The following PALM2AKAP2 variants were observed in gnomAD, a reference collection of about 807,000 sequenced individuals.
PALM2AKAP2 encodes PALM2-AKAP2 fusion protein.
A neutral mutation model predicts 71.5 loss-of-function variants in PALM2AKAP2; 37 were observed. The ratio of observed to expected loss-of-function variants is 0.52; its 90% CI spans 0.40 to 0.68. The LOEUF is 0.68. Ranked by LOEUF, PALM2AKAP2 falls within the 30% of genes least tolerant of loss-of-function variation. The pLI, the probability that PALM2AKAP2 is intolerant of heterozygous loss-of-function variation, is 0.00. For missense variants in PALM2AKAP2, 1,224 were observed against 1,191.8 expected (o/e 1.03, Z -0.40); for synonymous variants, 468 against 478.8 (o/e 0.98, Z 0.29).
chr9:109,867,611 A>G (rs376794761), intron 2 of PALM2AKAP2, 40 bp downstream of exon 2: 41 of 1,594,968 alleles, frequency 2.6e-5, no homozygotes, highest in Admixed American at 3.5e-5. Flanking sequence ...ATTATTAGAC[A>G]TGCAGATCAC....
intron 1 of PALM2AKAP2, among the ~76,000 whole-genome samples, chr9:110,098,327 C>T (rs1834913039): frequency 6.6e-6 from 1 of 152,100 alleles, no homozygotes; most frequent in Admixed American, 6.6e-5. Context: ...CATGAATTCA[C>T]TTATAAAAAG....
intron 1 of PALM2AKAP2, among the ~76,000 whole-genome samples, chr9:109,771,808 G>A (rs952443293): frequency 6.6e-6 from 1 of 152,132 alleles, no homozygotes; most frequent in Non-Finnish European, 1.5e-5. Flanking sequence ...CACCTGGGTC[G>A]CAGCCCAGGG....
At chr9:109,966,107 G>A (rs1486512494) in intron 6 of PALM2AKAP2, among the ~76,000 whole-genome samples, 1 of 152,208 alleles carries the variant, frequency 6.6e-6, no homozygotes, top group Admixed American at 6.5e-5. Context: ...ACCTGTTTAG[G>A]TGCCAGGCAG....
chr9:109,995,911 G>A (rs1464003401), intron 6 of PALM2AKAP2, among the ~76,000 whole-genome samples: 1 of 152,194 alleles, frequency 6.6e-6, no homozygotes, highest in African/African-American at 2.4e-5. Flanking sequence ...TGGAGAGGAA[G>A]GATGAGGCAG....
At chr9:109,931,939 A>G in exon 6 of PALM2AKAP2, 1 of 1,614,028 alleles carries the variant, frequency 6.2e-7, no homozygotes, top group South Asian at 1.1e-5. Flanking sequence ...GCAGTAAATT[A>G]CATTTCCTCC....
intron 1 of PALM2AKAP2, among the ~76,000 whole-genome samples, chr9:110,135,152 C>CAAAAAAAAAAAAA (rs1198538795): frequency 1.5e-4 from 4 of 27,014 alleles, no homozygotes; most frequent in African/African-American, 3.0e-4. Context: ...TCTGTCTCTA[C>CAAAAAAAAAAAAA]AAAAAAAAAA....
intron 3 of PALM2AKAP2, among the ~76,000 whole-genome samples, chr9:109,915,098 GCC>G (rs1206558223): frequency 6.6e-6 from 1 of 152,212 alleles, no homozygotes; most frequent in Non-Finnish European, 1.5e-5. Flanking sequence ...CCAGAGTGGA[GCC>G]TTTATAATTC....
At chr9:110,136,078 A>G (rs751242253) in intron 1 of PALM2AKAP2, 49 bp from the exon 8 acceptor site, 4 of 1,516,012 alleles carry the variant, frequency 2.6e-6, no homozygotes, top group South Asian at 2.7e-5. Flanking sequence ...ATTCACATCC[A>G]TAAGAGATGC....
intron 1 of PALM2AKAP2, among the ~76,000 whole-genome samples, chr9:109,734,589 A>G (rs563278949): frequency 6.6e-6 from 1 of 152,332 alleles, no homozygotes; most frequent in East Asian, 1.9e-4. Flanking sequence ...GAATTTTAAT[A>G]GTTGGAGTCA....
chr9:109,742,822 G>A (rs1036640302), intron 1 of PALM2AKAP2, among the ~76,000 whole-genome samples: 1 of 152,170 alleles, frequency 6.6e-6, no homozygotes, highest in Non-Finnish European at 1.5e-5. Context: ...AAGCAGCCGT[G>A]TTGCAGCACT....
chr9:109,679,014 T>C (rs1827688633), intron 1 of PALM2AKAP2, among the ~76,000 whole-genome samples: 1 of 152,180 alleles, frequency 6.6e-6, no homozygotes, highest in African/African-American at 2.4e-5. Context: ...ACCCTTGTCT[T>C]TGAATAATTA....
At chr9:110,146,863 T>C (rs1836186229) in intron 2 of PALM2AKAP2, among the ~76,000 whole-genome samples, 1 of 152,156 alleles carries the variant, frequency 6.6e-6, no homozygotes, top group Admixed American at 6.5e-5. Flanking sequence ...AGATTTTCTT[T>C]CTCATGGCCT....
intron 6 of PALM2AKAP2, among the ~76,000 whole-genome samples, chr9:109,948,632 C>T (rs1419053616): frequency 1.3e-5 from 2 of 152,062 alleles, no homozygotes; most frequent in South Asian, 4.1e-4. Context: ...CTCATATTGC[C>T]TCTTCATAAT....
exon 2 of PALM2AKAP2, chr9:110,137,921 G>T (rs1272869322): frequency 6.2e-7 from 1 of 1,614,034 alleles, no homozygotes; most frequent in African/African-American, 1.3e-5. Flanking sequence ...CTCTCCGTTG[G>T]TTGATGACCC....
chr9:109,971,970 T>C (rs1336648839), intron 6 of PALM2AKAP2, among the ~76,000 whole-genome samples: 1 of 152,238 alleles, frequency 6.6e-6, no homozygotes, highest in Non-Finnish European at 1.5e-5. Context: ...TCTCTGAAGC[T>C]GTCTCTGATA....
chr9:109,740,554 A>G (rs1828702247), intron 1 of PALM2AKAP2, among the ~76,000 whole-genome samples: 1 of 152,222 alleles, frequency 6.6e-6, no homozygotes. Context: ...AAACAGCTAA[A>G]AAATACCAAG....
rs78202505 is a variant in PALM2AKAP2, at chr9:110,020,185, G to A, written c.582+4146G>A. Among the ~76,000 whole-genome samples the A allele has an allele frequency of 5.3e-3, 811 of 152,300 alleles. 7 individuals carry two copies. The highest frequency in any genetic ancestry group is 0.037 in the Middle Eastern group (11 of 294). On this transcript the variant is annotated intron_variant, in intron 7 of 9. Coordinates refer to the PALM2AKAP2 transcript ENST00000302798. Reference sequence around the variant, plus strand: ...GGGAAATATCAGCAGAAATTACAAAGATAGTTGGGTTTCTTCCATATTGCT... The same window carrying A: ...GGGAAATATCAGCAGAAATTACAAAAATAGTTGGGTTTCTTCCATATTGCT...
intron 2 of PALM2AKAP2, among the ~76,000 whole-genome samples, chr9:109,871,039 G>A (rs182207937): frequency 1.3e-5 from 2 of 152,244 alleles, no homozygotes; most frequent in Admixed American, 1.3e-4. Context: ...ATTCTCACAT[G>A]TGGCAATTAT....
At chr9:109,925,895 T>G (rs567328858) in intron 5 of PALM2AKAP2, among the ~76,000 whole-genome samples, 1 of 152,250 alleles carries the variant, frequency 6.6e-6, no homozygotes, top group East Asian at 1.9e-4. Flanking sequence ...TATTGTCTGC[T>G]CCCCTGGCTC....
Sources: gnomAD v4.1 joint callset for allele counts (sites outside exome capture counted in the v4.1 genomes callset) on GRCh38, gnomAD v4.1.1 for gene constraint, MANE v1.5 for transcripts, NCBI Gene and HGNC (gene_info 2026-07-23, HGNC 2026-07-21) for gene names.